PTPRQ: variants seen among roughly 807,000 people sequenced by gnomAD.
PTPRQ encodes protein tyrosine phosphatase receptor type Q.
A neutral mutation model predicts 246.0 loss-of-function variants in PTPRQ; 199 were observed. The ratio of observed to expected loss-of-function variants is 0.81; its 90% CI spans 0.72 to 0.91. PTPRQ has a LOEUF of 0.91. Among genes scored for constraint, PTPRQ ranks in the 40% least tolerant of loss-of-function variants. The pLI is 0.00. For synonymous variants in PTPRQ, 869 were observed against 853.2 expected (o/e 1.02, Z -0.32); for missense variants, 2,624 against 2,528.4 (o/e 1.04, Z -0.81).
intron 26 of PTPRQ, among the ~76,000 whole-genome samples, chr12:80,592,902 T>G (rs1365009220): frequency 1.3e-5 from 2 of 152,008 alleles, no homozygotes; most frequent in Non-Finnish European, 2.9e-5. Context: ...TCCCAACTCC[T>G]TGGGAGGCTG....
chr12:80,664,686 A>G (rs1224149175), intron 39 of PTPRQ, among the ~76,000 whole-genome samples: 3 of 151,930 alleles, frequency 2.0e-5, no homozygotes, highest in Non-Finnish European at 4.4e-5. Flanking sequence ...TTATTTCTTC[A>G]GCACCCTCAA....
In PTPRQ at chr12:80,541,850, G is replaced by A. The variant is rs1259553326; in HGVS notation, c.3445+5G>A. ...ACATCAAGACTGAAGAAGATGGTAG[G>A]CTAGACCCTTTTATTGTCTGTTAAG... On this transcript the variant is annotated splice_donor_5th_base_variant and intron_variant, in intron 21 of 44. Transcript: ENST00000644991. 1.8e-5 allele frequency: 28 copies of A among 1,524,918 alleles called. No homozygotes were observed. Among genetic ancestry groups the A allele is most frequent in the Non-Finnish European group, 7.0e-6 (8 of 1,137,746 alleles). The allele number at this position is 1,524,918 out of a possible 1,614,324, so 94.5% of individuals were successfully genotyped here.
intron 16 of PTPRQ, among the ~76,000 whole-genome samples, chr12:80,507,624 C>G (rs1214480252): frequency 6.6e-6 from 1 of 151,890 alleles, no homozygotes; most frequent in African/African-American, 2.4e-5. Flanking sequence ...CATGTTTTAA[C>G]CTCTACCAAA....
rs1249300581 is a variant in PTPRQ, at chr12:80,445,590, C to T, written c.263C>T (p.Ser88Phe). The T allele has an allele frequency of 3.9e-6, 6 of 1,549,020 alleles. No homozygotes were observed. The Admixed American group carries it at 7.9e-5, about 20-fold the overall frequency. Reference protein sequence around the residue: ...TPPNPNGRIISYIVKYKEVCP... With the variant: ...TPPNPNGRIIFYIVKYKEVCP... ...CCTAATCCAAATGGAAGGATTATAT[C>T]TTACATTGTCAAATATAAGGAAGTT... The change falls in exon 3 of 45, where the codon TCT (serine) becomes TTT (phenylalanine). Residue 88 changes from serine to phenylalanine, a missense_variant. Transcript: ENST00000644991.
chr12:80,466,210 C>A (rs11114464), intron 6 of PTPRQ, among the ~76,000 whole-genome samples: 1 of 151,974 alleles, frequency 6.6e-6, no homozygotes, highest in East Asian at 1.9e-4. Flanking sequence ...TATACACCAA[C>A]AACAGACAAA....
chr12:80,614,121 A>C (rs1363091312), intron 29 of PTPRQ, among the ~76,000 whole-genome samples: 1 of 150,832 alleles, frequency 6.6e-6, no homozygotes, highest in Non-Finnish European at 1.5e-5. Context: ...GTAAAAGAAC[A>C]GTGATATATA....
At chr12:80,574,767 T>G (rs1269237549) in intron 25 of PTPRQ, among the ~76,000 whole-genome samples, 1 of 152,244 alleles carries the variant, frequency 6.6e-6, no homozygotes, top group Non-Finnish European at 1.5e-5. Flanking sequence ...TTGTTATACG[T>G]GTCAGCTATA....
chr12:80,554,696 C>T (rs1343567074), intron 25 of PTPRQ, among the ~76,000 whole-genome samples: 1 of 152,086 alleles, frequency 6.6e-6, no homozygotes, highest in Admixed American at 6.6e-5. Context: ...TATATTAATG[C>T]TACAATATGA....
chr12:80,659,489 A>G (rs1467561453), intron 39 of PTPRQ, among the ~76,000 whole-genome samples: 3 of 152,084 alleles, frequency 2.0e-5, no homozygotes, highest in Non-Finnish European at 4.4e-5. Context: ...TTATTCACCA[A>G]TAAGTAGATA....
chr12:80,638,265 G>A (rs1382724329), intron 35 of PTPRQ, among the ~76,000 whole-genome samples: 6 of 119,932 alleles, frequency 5.0e-5, no homozygotes, highest in East Asian at 2.3e-4. Flanking sequence ...GTGAAACTCC[G>A]TTAAAAAAAA....
At chr12:80,558,793 A>T (rs1896741058) in intron 25 of PTPRQ, among the ~76,000 whole-genome samples, 1 of 152,158 alleles carries the variant, frequency 6.6e-6, no homozygotes, top group South Asian at 2.1e-4. Flanking sequence ...ATAATGATGT[A>T]TCATTCTGGT....
intron 8 of PTPRQ, among the ~76,000 whole-genome samples, chr12:80,474,488 T>C (rs1893750370): frequency 6.6e-6 from 1 of 152,198 alleles, no homozygotes; most frequent in Non-Finnish European, 1.5e-5. Flanking sequence ...CCTGGGGATG[T>C]TACGGTCCAT....
In PTPRQ at chr12:80,541,687, C is replaced by T. The variant is rs570868056; in HGVS notation, c.3287C>T (p.Pro1096Leu). Residue 1096 changes from proline (P) to leucine (L), a missense_variant, in exon 21 of 45, where the codon CCT becomes CTT. Pro to Leu is a moderately conservative substitution (Grantham distance 98). Transcript: ENST00000644991. The part of the protein sequence containing the change: ...YYVSLILQQT[P>L]RHVRPPLVTY... ...GTTTCACTGATCTTACAGCAGACTC[C>T]TCGCCATGTGAGACCACCTCTTGTT... 6.4e-7 allele frequency: 1 copy of T among 1,551,332 alleles called. No homozygotes were observed. The highest frequency in any genetic ancestry group is 2.0e-5 in the Admixed American group (1 of 50,986).
At position 80,494,953 on chromosome 12, in the gene PTPRQ, A is replaced by G; in HGVS notation, c.1561A>G (p.Ile521Val). Residue 521 changes from isoleucine to valine, a missense_variant, in exon 11 of 45, where the codon ATT becomes GTT. Coordinates refer to ENST00000644991, the MANE Select transcript of PTPRQ (RefSeq NM_001145026.2). ...AACAGTAACTACAAGGAATCAGTATATTACTGACATTGCAGCTGAACAGCT... is the reference window on the plus strand; with the variant it reads ...AACAGTAACTACAAGGAATCAGTATGTTACTGACATTGCAGCTGAACAGCT... ...SPVVTTRNQY[I>V]TDIAAEQLSY... 7.7e-6 allele frequency: 12 copies of G among 1,549,628 alleles called. No individual in the cohort carries two copies. Among genetic ancestry groups the G allele is most frequent in the Non-Finnish European group, 1.0e-5 (12 of 1,145,714 alleles).
intron 31 of PTPRQ, 146 bp downstream of exon 31, chr12:80,619,688 C>T: frequency 1.9e-6 from 1 of 522,296 alleles, no homozygotes; most frequent in Non-Finnish European, 2.9e-6. Context: ...ATTAATGATA[C>T]CAATCATTTC....
At chr12:80,661,038 A>G (rs916276832) in intron 39 of PTPRQ, among the ~76,000 whole-genome samples, 1 of 151,794 alleles carries the variant, frequency 6.6e-6, no homozygotes, top group Admixed American at 6.6e-5. Context: ...AGTCTTCATG[A>G]TCTTACTATC....
chr12:80,651,385 A>T (rs918014160), intron 37 of PTPRQ, among the ~76,000 whole-genome samples: 7 of 152,210 alleles, frequency 4.6e-5, no homozygotes, highest in African/African-American at 1.7e-4. Context: ...AAGAGTTTAT[A>T]AAAAAGGTGT....
intron 33 of PTPRQ, among the ~76,000 whole-genome samples, chr12:80,630,837 C>T (rs1899402900): frequency 1.3e-5 from 2 of 152,170 alleles, no homozygotes; most frequent in African/African-American, 2.4e-5. Context: ...CTGCCTCAGC[C>T]TACCGAGTAG....
intron 28 of PTPRQ, among the ~76,000 whole-genome samples, chr12:80,611,293 A>G (rs1369828264): frequency 6.6e-6 from 1 of 150,388 alleles, no homozygotes; most frequent in African/African-American, 2.4e-5. Flanking sequence ...GTTCTTTGCC[A>G]CCAGATATAT....
Sources: allele counts gnomAD v4.1 joint callset (sites outside exome capture counted in the v4.1 genomes callset), GRCh38; gene constraint gnomAD v4.1.1; transcripts MANE v1.5; gene names NCBI Gene and HGNC (gene_info 2026-07-23, HGNC 2026-07-21).